TSKU: variants seen among roughly 807,000 people sequenced by gnomAD.
TSKU encodes tsukushi.
In TSKU, 4 loss-of-function variants were observed where a neutral mutation model predicts 11.2. The ratio of observed to expected loss-of-function variants is 0.36; its 90% CI spans 0.18 to 0.82. The LOEUF is 0.82. Among genes scored for constraint, TSKU ranks in the 40% least tolerant of loss-of-function variants. The pLI is 0.50. For missense variants in TSKU, 407 were observed against 482.5 expected (o/e 0.84, Z 1.47); for synonymous variants, 220 against 232.2 (o/e 0.95, Z 0.48).
chr11:76,788,760 C>T (rs1336671240), intron 1 of TSKU, among the ~76,000 whole-genome samples: 1 of 152,210 alleles, frequency 6.6e-6, no homozygotes, highest in African/African-American at 2.4e-5. Context: ...ACCCGTTCAT[C>T]CTGCTCTTCC....
chr11:76,796,165 G>T lies in TSKU; in HGVS notation c.549G>T (p.Ala183=), dbSNP rs747455352. The T allele has an allele frequency of 3.7e-6, 6 of 1,613,248 alleles. No individual in the cohort carries two copies. The African/African-American group carries it at 8.0e-5, about 22-fold the overall frequency. ...VPHPTRAGLP[A]PTIQSLNLAW... The stretch of plus-strand genomic sequence containing the variant: ...ACCCCACGAGGGCCGGCCTGCCTGC[G>T]CCCACCATTCAGAGCCTGAACCTGG... The change falls in exon 2 of 2, where the codon GCG becomes GCT. Residue 183 remains alanine, a synonymous_variant. Transcript: ENST00000333090. The surrounding 1 kb of genome is among the most constrained non-coding windows in gnomAD (Gnocchi z 4.1).
intron 1 of TSKU, among the ~76,000 whole-genome samples, chr11:76,785,193 G>A (rs1220621424): frequency 6.6e-6 from 1 of 152,232 alleles, no homozygotes; most frequent in East Asian, 1.9e-4. Context: ...AATGGAGAGG[G>A]AAGGGAGGGG....
chr11:76,788,487 C>A (rs1944333599), intron 1 of TSKU, among the ~76,000 whole-genome samples: 1 of 152,128 alleles, frequency 6.6e-6, no homozygotes, highest in Non-Finnish European at 1.5e-5. Context: ...CCTGGCGCCA[C>A]ACTGGGAACT....
intron 1 of TSKU, among the ~76,000 whole-genome samples, chr11:76,788,089 A>G (rs1944329068): frequency 6.6e-6 from 1 of 152,148 alleles, no homozygotes. Flanking sequence ...GAGCTGACAA[A>G]GTGGTTGGAG....
upstream of TSKU, chr11:76,783,199 C>A (rs1944257456): frequency 6.6e-6 from 1 of 150,580 alleles, no homozygotes; most frequent in Non-Finnish European, 1.5e-5. Context: ...GGGGCGCGCG[C>A]CGAGAGAGGC....
intron 1 of TSKU, chr11:76,791,746 CTG>C (rs1944373380): frequency 6.6e-6 from 1 of 152,228 alleles, no homozygotes; most frequent in Admixed American, 6.5e-5. Context: ...GGTGTTGAGC[CTG>C]TGGGTACACA....
chr11:76,789,184 T>C (rs566269049), intron 1 of TSKU, among the ~76,000 whole-genome samples: 5 of 152,226 alleles, frequency 3.3e-5, no homozygotes, highest in African/African-American at 1.2e-4. Context: ...AGTTTGGAGA[T>C]GTATTAGCAG....
intron 1 of TSKU, among the ~76,000 whole-genome samples, chr11:76,784,890 GGGCACA>G (rs1221271404): frequency 6.6e-6 from 1 of 152,206 alleles, no homozygotes; most frequent in East Asian, 1.9e-4. Flanking sequence ...CATGATGGAA[GGGCACA>G]GGCCGCTAAC....
At chr11:76,790,456 G>A (rs1008245727) in intron 1 of TSKU, among the ~76,000 whole-genome samples, 4 of 152,150 alleles carry the variant, frequency 2.6e-5, no homozygotes, top group Admixed American at 6.5e-5. Context: ...TAGCCCTTGC[G>A]GCAACTCCTT....
In TSKU at chr11:76,795,651, G is replaced by A; in HGVS notation, c.35G>A (p.Ser12Asn). 3.7e-6 allele frequency: 6 copies of A among 1,613,284 alleles called. No homozygotes were observed. Among genetic ancestry groups the A allele is most frequent in the Non-Finnish European group, 5.1e-6 (6 of 1,179,950 alleles). The change falls in exon 2 of 2, where the codon AGT (serine) becomes AAT (asparagine). Residue 12 changes from serine (S) to asparagine (N), a missense_variant. Ser to Asn is a conservative substitution (Grantham distance 46). Transcript: ENST00000333090. ...PWPLLLLLAV[S>N]GAQTTRPCFP... is the part of the protein sequence containing the mutation. ...CCCCTGCTGCTGCTGCTGGCCGTGAGTGGGGCCCAGACAACCCGGCCATGC... is the reference window on the plus strand; with the variant it reads ...CCCCTGCTGCTGCTGCTGGCCGTGAATGGGGCCCAGACAACCCGGCCATGC...
Position 76,785,596 on chromosome 11 carries a change from G to A in TSKU, c.-9+2192G>A, listed in dbSNP as rs532227297. Among the ~76,000 whole-genome samples the A allele has an allele frequency of 5.3e-5, 8 of 152,304 alleles. No individual in the cohort carries two copies. The East Asian group carries it at 1.5e-3, about 29-fold the overall frequency. ...TGGTCAGCATGGTGGACCAGCAGACGCAAGGTCTTGAGGGTGGTGAATTGG... is the reference window on the plus strand; with the variant it reads ...TGGTCAGCATGGTGGACCAGCAGACACAAGGTCTTGAGGGTGGTGAATTGG... On this transcript the variant is annotated intron_variant, in intron 1 of 1. Coordinates refer to ENST00000333090, the MANE Select transcript of TSKU (RefSeq NM_015516.4).
chr11:76,793,153 G>A (rs1944397089), intron 1 of TSKU, among the ~76,000 whole-genome samples: 1 of 152,262 alleles, frequency 6.6e-6, no homozygotes, highest in Admixed American at 6.5e-5. Flanking sequence ...ACCTAGTTCA[G>A]TGCCCTGGGA....
At chr11:76,785,052 C>T (rs1565125947) in intron 1 of TSKU, among the ~76,000 whole-genome samples, 1 of 152,222 alleles carries the variant, frequency 6.6e-6, no homozygotes, top group Non-Finnish European at 1.5e-5. Context: ...TTAACCTACA[C>T]CTCCATTCTG....
In TSKU at chr11:76,787,019, C is replaced by A. The variant is rs145639375; in HGVS notation, c.-9+3615C>A. 8.3e-3 allele frequency among the ~76,000 whole-genome samples: 1,269 copies of A among 152,292 alleles called. 13 individuals are homozygous for A. Among genetic ancestry groups the A allele is most frequent in the African/African-American group, 0.029 (1,189 of 41,548 alleles). On this transcript the variant is annotated intron_variant, in intron 1 of 1. Transcript: ENST00000333090. ...CTCACTGGGGACAGGAACCAACATTCAGTGAATACCAACATGTGCCAGGCC... is the reference window on the plus strand; with the variant it reads ...CTCACTGGGGACAGGAACCAACATTAAGTGAATACCAACATGTGCCAGGCC...
rs766611191 is a variant in TSKU at position 76,795,944 on chromosome 11, C to G, written c.328C>G (p.Leu110Val). Residue 110 changes from leucine to valine, a missense_variant, in exon 2 of 2, where the codon CTG (leucine) becomes GTG (valine). Leu to Val is a conservative substitution (Grantham distance 32, BLOSUM62 1). Coordinates refer to ENST00000333090, the MANE Select transcript of TSKU (RefSeq NM_015516.4). ...SPTAFSRLRY[L>V]ESLDLSHNGL... ...CACTGCCTTCTCCCGCCTTCGCTAC[C>G]TGGAGTCGCTTGACCTCAGCCACAA... 1.2e-6 allele frequency: 2 copies of G among 1,613,998 alleles called. No homozygotes were observed. The highest frequency in any genetic ancestry group is 3.3e-5 in the Admixed American group (2 of 60,036).
chr11:76,786,458 AGGCAGGT>A (rs1944313347), intron 1 of TSKU, among the ~76,000 whole-genome samples: 1 of 152,208 alleles, frequency 6.6e-6, no homozygotes, highest in East Asian at 1.9e-4. Context: ...GTGTGCAAAA[AGGCAGGT>A]GGCTCTAGAA....
At position 76,797,305 on chromosome 11, in the gene TSKU, C is replaced by T. The variant is rs967566507; in HGVS notation, c.*627C>T. 1 of 167,158 alleles carries T rather than the reference C, an allele frequency of 6.0e-6. No homozygotes were observed. The highest frequency in any genetic ancestry group is 2.4e-5 in the African/African-American group (1 of 41,460). 10.4% of individuals were successfully genotyped at this position (167,158 alleles called of 1,614,324 possible). A position where few individuals can be genotyped will look rare whatever the true frequency, so the allele number is the denominator to read the frequency against. ...GGGCAGTGGCATGACTGGAGCACAG[C>T]CTCCTGCCTCCCAGCCCGGACCCAA... On this transcript the variant is annotated 3_prime_UTR_variant, in exon 2 of 2. Coordinates refer to ENST00000333090, the MANE Select transcript of TSKU (RefSeq NM_015516.4).
chr11:76,784,751 G>GC, intron 1 of TSKU, among the ~76,000 whole-genome samples: 1 of 135,264 alleles, frequency 7.4e-6, no homozygotes, highest in East Asian at 2.0e-4. Flanking sequence ...GGAGGTGGGG[G>GC]GGGGGGGGTG....
At chr11:76,788,643 A>C (rs1392159958) in intron 1 of TSKU, among the ~76,000 whole-genome samples, 1 of 152,100 alleles carries the variant, frequency 6.6e-6, no homozygotes, top group Non-Finnish European at 1.5e-5. Flanking sequence ...CCTTTCAACA[A>C]ACCTGTGTTC....
Sources: allele counts gnomAD v4.1 joint callset (sites outside exome capture counted in the v4.1 genomes callset), GRCh38; gene constraint gnomAD v4.1.1; non-coding constraint Gnocchi (gnomAD v3.1); transcripts MANE v1.5; gene names NCBI Gene and HGNC (gene_info 2026-07-23, HGNC 2026-07-21).